Variants in DCUN1D1 observed in about 807,000 individuals in gnomAD.
The protein encoded by DCUN1D1 is defective in cullin neddylation 1 domain containing 1.
In DCUN1D1, 3 loss-of-function variants were observed where a neutral mutation model predicts 39.0. The ratio of observed to expected loss-of-function variants is 0.08; its 90% CI spans 0.04 to 0.20. The LOEUF is 0.20. DCUN1D1 is among the 10% of genes least tolerant of loss of function. The pLI, the probability that DCUN1D1 is intolerant of heterozygous loss-of-function variation, is 1.00. For missense variants in DCUN1D1, 158 were observed against 302.4 expected, an observed-to-expected ratio of 0.52 and a Z score of 3.54; for synonymous variants, 82 against 96.3, an observed-to-expected ratio of 0.85 and a Z score of 0.87.
At position 182,944,403 on chromosome 3, in the gene DCUN1D1, G is replaced by A. The variant is rs1223749881; in HGVS notation, c.*691C>T. 2.0e-5 allele frequency: 3 copies of A among 152,420 alleles called. No homozygotes were observed. The highest frequency in any genetic ancestry group is 6.6e-5 in the Admixed American group (1 of 15,262). 9.4% of individuals were successfully genotyped at this position (152,420 alleles called of 1,614,324 possible). A position where few individuals can be genotyped will look rare whatever the true frequency, so the allele number is the denominator to read the frequency against. Reference sequence around the variant, plus strand: ...ATATATAAACATGGGTAAGGTAAGCGCAGACTAGTTCTGTGGAACCTTTTG... The same window carrying A: ...ATATATAAACATGGGTAAGGTAAGCACAGACTAGTTCTGTGGAACCTTTTG... On this transcript the variant is annotated 3_prime_UTR_variant, in exon 7 of 7. Coordinates refer to ENST00000292782, the MANE Select transcript of DCUN1D1 (RefSeq NM_020640.4).
Position 182,938,941 on chromosome 3 carries a change from C to G in DCUN1D1, c.*6153G>C, listed in dbSNP as rs965008953. ...AGAGCCAAAGCACCAGCCATCAGCA[C>G]CACTCTTCGCTGACACATTTCTTCT... On this transcript the variant is annotated 3_prime_UTR_variant, in exon 7 of 7. Coordinates refer to ENST00000292782, the MANE Select transcript of DCUN1D1 (RefSeq NM_020640.4). The G allele has an allele frequency of 1.3e-5, 2 of 152,554 alleles. No homozygotes were observed. The highest frequency in any genetic ancestry group is 2.9e-5 in the Non-Finnish European group (2 of 68,124). The allele number at this position is 152,554 out of a possible 1,614,324, so 9.5% of individuals were successfully genotyped here.
exon 1 of DCUN1D1, chr3:182,985,858 G>A (rs1415400867): frequency 6.6e-6 from 1 of 152,162 alleles, no homozygotes; most frequent in Non-Finnish European, 1.5e-5. Context: ...ATGTGGATCT[G>A]TTGATCTTAA....
At chr3:182,953,329 G>C (rs944099380) in intron 4 of DCUN1D1, among the ~76,000 whole-genome samples, 1 of 152,114 alleles carries the variant, frequency 6.6e-6, no homozygotes, top group African/African-American at 2.4e-5. Context: ...ATTAAACAAG[G>C]ATAAAATGTT....
intron 1 of DCUN1D1, among the ~76,000 whole-genome samples, chr3:182,966,424 T>C (rs1727672662): frequency 6.6e-6 from 1 of 152,138 alleles, no homozygotes; most frequent in Non-Finnish European, 1.5e-5. Context: ...TTTTTTTTTC[T>C]TTTTCCCCTG....
chr3:182,982,723 A>G (rs1728596549), upstream of DCUN1D1, among the ~76,000 whole-genome samples: 1 of 151,796 alleles, frequency 6.6e-6, no homozygotes, highest in Non-Finnish European at 1.5e-5. Context: ...GCTCACTGCA[A>G]CCTCCGCCTC....
chr3:182,976,753 C>T (rs1366361956), intron 1 of DCUN1D1, among the ~76,000 whole-genome samples: 1 of 152,112 alleles, frequency 6.6e-6, no homozygotes, highest in Non-Finnish European at 1.5e-5. Context: ...TACCCCTCAC[C>T]AGAGTGAGGA....
At position 182,980,025 on chromosome 3, in the gene DCUN1D1, G is replaced by C. The variant is rs570426731; in HGVS notation, c.3+462C>G. On this transcript the variant is annotated intron_variant, in intron 1 of 6. Transcript: ENST00000292782. ...GCCGGGAAAGTCTTTCCTTCTCCCC[G>C]GCCGGGCGGAGAGGGAAGCCCCGGC... The C allele has an allele frequency of 1.7e-5, 5 of 300,388 alleles. No individual in the cohort carries two copies. In the South Asian group the frequency reaches 5.1e-4, roughly 31 times the overall value. 18.6% of individuals were successfully genotyped at this position (300,388 alleles called of 1,614,324 possible).
At chr3:182,955,882 C>T (rs1347703989) in intron 4 of DCUN1D1, 1 of 173,870 alleles carries the variant, frequency 5.8e-6, no homozygotes. Flanking sequence ...CGCCCAGCCG[C>T]ACCATGGTTT....
rs1220273614 is a variant in DCUN1D1 at position 182,946,626 on chromosome 3, CAG to C, written c.700+610_700+611del. Among the ~76,000 whole-genome samples, 3 of 141,456 alleles carry C rather than the reference CAG, an allele frequency of 2.1e-5. No homozygotes were observed. In the East Asian group the frequency reaches 6.1e-4, roughly 29 times the overall value. The allele number at this position is 141,456 out of a possible 152,430, so 92.8% of individuals were successfully genotyped here. Reference sequence around the variant, plus strand: ...CAACCAAGCTTATACAAAAGACTAACAGATGAAAAAGAGATACAAATAAGTAC... The same window carrying C: ...CAACCAAGCTTATACAAAAGACTAACATGAAAAAGAGATACAAATAAGTAC... On this transcript the variant is annotated intron_variant, in intron 6 of 6. Transcript: ENST00000292782.
intron 4 of DCUN1D1, among the ~76,000 whole-genome samples, chr3:182,947,905 A>C (rs1261289011): frequency 6.6e-6 from 1 of 152,246 alleles, no homozygotes; most frequent in East Asian, 1.9e-4. Context: ...GCAGTTAAAC[A>C]TAGTAGCTCA....
chr3:182,947,191 TA>T, intron 6 of DCUN1D1, 46 bp downstream of exon 6: 1 of 1,043,464 alleles, frequency 9.6e-7, no homozygotes, highest in Non-Finnish European at 1.5e-6. Context: ...GGGTATGGGA[TA>T]AAAAGGCACA....
rs1726213915 is a variant in DCUN1D1, at chr3:182,943,113, T to TAA, written c.*1980_*1981insTT. 1.9e-5 allele frequency: 2 copies of TAA among 108,052 alleles called. No homozygotes were observed. The highest frequency in any genetic ancestry group is 8.8e-5 in the Admixed American group (1 of 11,390). The allele number at this position is 108,052 out of a possible 1,614,324, so 6.7% of individuals were successfully genotyped here. On this transcript the variant is annotated 3_prime_UTR_variant, in exon 7 of 7. Transcript: ENST00000292782. ...GACTTTTAAAGAAAACACTTTATAT[T>TAA]GAAAAAAAAAAAAAAAAAAAAAAGC...
rs1726110707 is a variant in DCUN1D1 at position 182,941,024 on chromosome 3, A to T, written c.*4070T>A. On this transcript the variant is annotated 3_prime_UTR_variant, in exon 7 of 7. Transcript: ENST00000292782. ...TTTTCAAAATCAACCAAAGGAAAAT[A>T]AAAAAACACATTAATAGGAAACACT... 1 of 152,154 alleles carries T rather than the reference A, an allele frequency of 6.6e-6. No homozygotes were observed. The highest frequency in any genetic ancestry group is 2.1e-4 in the South Asian group (1 of 4,832). The allele number at this position is 152,154 out of a possible 1,614,324, so 9.4% of individuals were successfully genotyped here. A position where few individuals can be genotyped will look rare whatever the true frequency, so the allele number is the denominator to read the frequency against.
At chr3:182,970,313 AG>A (rs1727870194) in intron 1 of DCUN1D1, among the ~76,000 whole-genome samples, 1 of 152,226 alleles carries the variant, frequency 6.6e-6, no homozygotes, top group African/African-American at 2.4e-5. Flanking sequence ...TTTAAATAAT[AG>A]TTTATCTGAA....
At position 182,968,437 on chromosome 3, in the gene DCUN1D1, A is replaced by G. The variant is rs185440315; in HGVS notation, c.4-2684T>C. Among the ~76,000 whole-genome samples the G allele has an allele frequency of 3.7e-4, 57 of 152,308 alleles. No individual in the cohort carries two copies. In the South Asian group the frequency reaches 6.4e-3, roughly 17 times the overall value. On this transcript the variant is annotated intron_variant, in intron 1 of 6. Transcript: ENST00000292782. ...GCCAAAAAGAACTATTCATTCTACT[A>G]TACTATTCCTATCAAAAAGTAAGAT...
chr3:182,981,782 G>A (rs1728560469), upstream of DCUN1D1, among the ~76,000 whole-genome samples: 1 of 152,226 alleles, frequency 6.6e-6, no homozygotes, highest in South Asian at 2.1e-4. Context: ...ACTTCCTGGA[G>A]CTAGCCATGT....
intron 4 of DCUN1D1, among the ~76,000 whole-genome samples, chr3:182,952,849 A>C (rs920231723): frequency 3.9e-5 from 6 of 152,206 alleles, no homozygotes; most frequent in Non-Finnish European, 7.3e-5. Flanking sequence ...TTTCTAACTA[A>C]ATCACTGGGA....
chr3:182,982,481 C>T (rs1388763738), upstream of DCUN1D1, among the ~76,000 whole-genome samples: 1 of 152,168 alleles, frequency 6.6e-6, no homozygotes, highest in African/African-American at 2.4e-5. Context: ...ACCCACTTTT[C>T]CTCCTGCCTT....
At chr3:182,968,571 T>A (rs376581825) in intron 1 of DCUN1D1, among the ~76,000 whole-genome samples, 1 of 151,642 alleles carries the variant, frequency 6.6e-6, no homozygotes, top group Admixed American at 6.6e-5. Context: ...GAAAAATGTT[T>A]ATGTAATAAA....
Sources: allele counts gnomAD v4.1 joint callset (sites outside exome capture counted in the v4.1 genomes callset), GRCh38; gene constraint gnomAD v4.1.1; transcripts MANE v1.5; gene names NCBI Gene and HGNC (gene_info 2026-07-23, HGNC 2026-07-21).